ARHGAP12: variants seen among roughly 807,000 people sequenced by gnomAD.
The protein encoded by ARHGAP12 is Rho GTPase activating protein 12.
Under a neutral mutation model 108.6 loss-of-function variants are expected in ARHGAP12, and 64 were observed. The observed-to-expected ratio is 0.59, with a 90% CI of 0.48 to 0.73. The LOEUF (loss-of-function observed/expected upper bound fraction) is 0.73. ARHGAP12 is among the 30% of genes least tolerant of loss of function. The pLI is 0.00. For missense variants in ARHGAP12, 940 were observed against 1,005.9 expected (o/e 0.93, Z 0.89); for synonymous variants, 312 against 337.2 (o/e 0.93, Z 0.82).
intron 3 of ARHGAP12, among the ~76,000 whole-genome samples, chr10:31,871,263 A>G (rs1262611543): frequency 6.6e-6 from 1 of 152,242 alleles, no homozygotes; most frequent in African/African-American, 2.4e-5. Flanking sequence ...AGGAAACACT[A>G]CTGATAACTA....
At chr10:31,921,250 C>T (rs1387268188) in intron 1 of ARHGAP12, among the ~76,000 whole-genome samples, 1 of 152,038 alleles carries the variant, frequency 6.6e-6, no homozygotes. Context: ...TGCACTTCAG[C>T]CTTGGTGAGA....
rs71027040 is a variant in ARHGAP12, at chr10:31,920,449, C to CAAAAAAAAA, written c.-111+8225_-111+8233dup. Among the ~76,000 whole-genome samples the CAAAAAAAAA allele has an allele frequency of 1.2e-3, 71 of 59,556 alleles. 3 individuals carry two copies. Among genetic ancestry groups the CAAAAAAAAA allele is most frequent in the African/African-American group, 2.0e-3 (27 of 13,468 alleles). The allele number at this position is 59,556 out of a possible 152,430, so 39.1% of individuals were successfully genotyped here. On this transcript the variant is annotated intron_variant, in intron 1 of 19. Coordinates refer to ENST00000344936, the MANE Select transcript of ARHGAP12 (RefSeq NM_018287.7). ...TAGGCGACAGAGTGAGACTCCGTCT[C>CAAAAAAAAA]AAAAAAAAAAAAAAAAAAAAAAGAA...
intron 16 of ARHGAP12, chr10:31,809,615 G>C (rs1210151732): frequency 4.5e-6 from 1 of 220,266 alleles, no homozygotes; most frequent in Non-Finnish European, 9.1e-6. Flanking sequence ...GAAAACATCT[G>C]GGGATAATTC....
chr10:31,829,229 AC>A (rs1835739669), intron 10 of ARHGAP12, among the ~76,000 whole-genome samples: 2 of 152,288 alleles, frequency 1.3e-5, no homozygotes, highest in South Asian at 4.1e-4. Flanking sequence ...AGCAAAATAA[AC>A]CAGTCACAAA....
intron 3 of ARHGAP12, among the ~76,000 whole-genome samples, chr10:31,878,362 T>C (rs1837813300): frequency 6.6e-6 from 1 of 152,214 alleles, no homozygotes; most frequent in Admixed American, 6.5e-5. Context: ...TTCCATAATT[T>C]CACACTAAAA....
intron 9 of ARHGAP12, among the ~76,000 whole-genome samples, chr10:31,835,692 T>C (rs773454123): frequency 1.9e-4 from 29 of 152,198 alleles, no homozygotes; most frequent in Non-Finnish European, 4.0e-4. Flanking sequence ...CTTCAGTTAA[T>C]TGTGTAATAA....
At chr10:31,851,829 G>A (rs1260656382) in intron 6 of ARHGAP12, among the ~76,000 whole-genome samples, 4 of 152,086 alleles carry the variant, frequency 2.6e-5, no homozygotes, top group Non-Finnish European at 4.4e-5. Flanking sequence ...AAAAACTAAA[G>A]TATATGTAAC....
At chr10:31,857,065 C>T (rs919832577) in intron 4 of ARHGAP12, among the ~76,000 whole-genome samples, 1 of 138,036 alleles carries the variant, frequency 7.2e-6, no homozygotes, top group African/African-American at 3.5e-5. Flanking sequence ...AAAGCATTAT[C>T]TGATTCAAAT....
intron 9 of ARHGAP12, among the ~76,000 whole-genome samples, chr10:31,834,161 C>T (rs1349818242): frequency 3.3e-5 from 5 of 152,166 alleles, no homozygotes; most frequent in Non-Finnish European, 7.4e-5. Context: ...TACTTTAGGG[C>T]TTTTCCTGAC....
At chr10:31,808,949 G>T in intron 18 of ARHGAP12, 45 bp downstream of exon 18, 2 of 1,521,404 alleles carry the variant, frequency 1.3e-6, no homozygotes, top group Admixed American at 2.0e-5. Context: ...TCTGTGCAAA[G>T]AATTTTCAAT....
intron 3 of ARHGAP12, among the ~76,000 whole-genome samples, chr10:31,882,488 G>A (rs536510504): frequency 2.0e-5 from 3 of 152,224 alleles, no homozygotes; most frequent in Non-Finnish European, 4.4e-5. Flanking sequence ...GCTGGAGAGT[G>A]GAACAAAATG....
At chr10:31,821,694 A>C (rs754129898) in intron 11 of ARHGAP12, among the ~76,000 whole-genome samples, 1 of 152,198 alleles carries the variant, frequency 6.6e-6, no homozygotes, top group Non-Finnish European at 1.5e-5. Context: ...GTGTGAACTT[A>C]AACAAAAGTT....
chr10:31,830,946 G>A (rs576912882), intron 10 of ARHGAP12, among the ~76,000 whole-genome samples: 105 of 152,320 alleles, frequency 6.9e-4, no homozygotes, highest in African/African-American at 2.4e-3. Flanking sequence ...AGGCAGAAAC[G>A]GATTCAATAT....
chr10:31,862,181 T>A (rs1168333629), intron 3 of ARHGAP12, among the ~76,000 whole-genome samples: 4 of 152,188 alleles, frequency 2.6e-5, no homozygotes, highest in Non-Finnish European at 4.4e-5. Flanking sequence ...ATCAGGAACA[T>A]AAGTGAAACA....
intron 1 of ARHGAP12, among the ~76,000 whole-genome samples, chr10:31,924,204 A>G (rs1250925197): frequency 6.6e-6 from 1 of 152,236 alleles, no homozygotes; most frequent in African/African-American, 2.4e-5. Context: ...TCTTCTAGGT[A>G]TTTACCCAAG....
chr10:31,866,057 T>C (rs181824206), intron 3 of ARHGAP12, among the ~76,000 whole-genome samples: 5 of 152,324 alleles, frequency 3.3e-5, no homozygotes, highest in Admixed American at 2.0e-4. Flanking sequence ...TGATCTTGCA[T>C]AGTGATTTCT....
rs558555642 is a variant in ARHGAP12 at position 31,808,644 on chromosome 10, C to G, written c.2366+5G>C. The G allele has an allele frequency of 6.2e-7, 1 of 1,613,256 alleles. No homozygotes were observed. The highest frequency in any genetic ancestry group is 1.7e-5 in the Admixed American group (1 of 59,994). ...CCACATCCCATGACTGGGCAGTCCTCCTACCTTCTGAGATGTCGGAAAAGA... is the reference window on the plus strand; with the variant it reads ...CCACATCCCATGACTGGGCAGTCCTGCTACCTTCTGAGATGTCGGAAAAGA... On this transcript the variant is annotated splice_donor_5th_base_variant and intron_variant, in intron 19 of 19. Coordinates refer to ENST00000344936, the MANE Select transcript of ARHGAP12 (RefSeq NM_018287.7).
intron 4 of ARHGAP12, among the ~76,000 whole-genome samples, chr10:31,854,640 C>A (rs1317733524): frequency 6.6e-6 from 1 of 152,150 alleles, no homozygotes; most frequent in Non-Finnish European, 1.5e-5. Context: ...ACATGCAAGG[C>A]AAACAACCCT....
intron 3 of ARHGAP12, among the ~76,000 whole-genome samples, chr10:31,883,272 G>A (rs1388785847): frequency 6.6e-6 from 1 of 151,996 alleles, no homozygotes; most frequent in African/African-American, 2.4e-5. Flanking sequence ...TCCAGCCTGG[G>A]CAACAAGAGC....
Sources: allele counts gnomAD v4.1 joint callset (sites outside exome capture counted in the v4.1 genomes callset), GRCh38; gene constraint gnomAD v4.1.1; transcripts MANE v1.5; gene names NCBI Gene and HGNC (gene_info 2026-07-23, HGNC 2026-07-21).